Variants in ANKRD28 observed in about 807,000 individuals in gnomAD.
ANKRD28 encodes the protein ankyrin repeat domain 28.
A neutral mutation model predicts 126.5 loss-of-function variants in ANKRD28; 44 were observed. That is an observed-to-expected ratio of 0.35 (90% confidence interval 0.27 to 0.45). The LOEUF is 0.45. Among genes scored for constraint, ANKRD28 ranks in the 20% least tolerant of loss-of-function variants. The pLI is 1.00. For synonymous variants in ANKRD28, 442 were observed against 468.5 expected (o/e 0.94, Z 0.73); for missense variants, 1,110 against 1,316.6 (o/e 0.84, Z 2.43).
intron 6 of ANKRD28, among the ~76,000 whole-genome samples, chr3:15,731,001 A>G (rs1426603664): frequency 6.6e-6 from 1 of 152,186 alleles, no homozygotes; most frequent in East Asian, 1.9e-4. Context: ...CCCTCACTAG[A>G]TGCTAGTGCC....
intron 1 of ANKRD28, among the ~76,000 whole-genome samples, chr3:15,810,895 CCAGT>C (rs1402500749): frequency 1.3e-5 from 2 of 152,160 alleles, no homozygotes; most frequent in Admixed American, 6.5e-5. Flanking sequence ...ACCTGCAAAG[CCAGT>C]CATTTAACCC....
At chr3:15,742,605 T>TGGGG (rs2057144035) in intron 4 of ANKRD28, among the ~76,000 whole-genome samples, 1 of 1,548 alleles carries the variant, frequency 6.5e-4, no homozygotes, top group Non-Finnish European at 1.2e-3. Flanking sequence ...GGGAGGGAGG[T>TGGGG]GGGGGTCAGC....
chr3:15,807,324 GATTAGCTTGTAAT>G (rs1387292617), intron 1 of ANKRD28, among the ~76,000 whole-genome samples: 2 of 152,174 alleles, frequency 1.3e-5, no homozygotes, highest in African/African-American at 4.8e-5. Flanking sequence ...GGATTACCCT[GATTAGCTTGTAAT>G]ATTCGGGATT....
rs765267091 is a variant in ANKRD28, at chr3:15,678,353, T to C, written c.2563A>G (p.Thr855Ala). The change falls in exon 24 of 28, where the codon ACT becomes GCT. Residue 855 changes from threonine (T) to alanine (A), a missense_variant and splice_region_variant. Coordinates refer to ENST00000683139, the MANE Select transcript of ANKRD28 (RefSeq NM_001349278.2). ...GTGAAGGCGGCTGCATGGAGAGGAGTTCTGTGATAAAGAAAAATTGAAATA... is the reference window on the plus strand; with the variant it reads ...GTGAAGGCGGCTGCATGGAGAGGAGCTCTGTGATAAAGAAAAATTGAAATA... ...IVNATDSKGRTPLHAAAFTDH... is the reference protein window; with the variant it reads ...IVNATDSKGRAPLHAAAFTDH... The C allele has an allele frequency of 1.3e-6, 2 of 1,588,372 alleles. No homozygotes were observed. The highest frequency in any genetic ancestry group is 1.7e-6 in the Non-Finnish European group (2 of 1,171,864).
chr3:15,819,792 C>T (rs1374313466), intron 1 of ANKRD28, among the ~76,000 whole-genome samples: 1 of 152,158 alleles, frequency 6.6e-6, no homozygotes, highest in African/African-American at 2.4e-5. Flanking sequence ...TTTCTTCCAG[C>T]ACAAAGGCTG....
At chr3:15,782,230 C>G (rs1195902109) in intron 2 of ANKRD28, among the ~76,000 whole-genome samples, 2 of 152,020 alleles carry the variant, frequency 1.3e-5, no homozygotes, top group African/African-American at 4.8e-5. Flanking sequence ...TCTGTTCCAA[C>G]TAGCCAGTTA....
chr3:15,784,641 A>C (rs1400657224), intron 2 of ANKRD28, among the ~76,000 whole-genome samples: 1 of 152,036 alleles, frequency 6.6e-6, no homozygotes, highest in East Asian at 1.9e-4. Context: ...AAAAATGATA[A>C]ACAGTAATCC....
chr3:15,795,790 A>G (rs2060250297), intron 1 of ANKRD28, among the ~76,000 whole-genome samples: 1 of 152,168 alleles, frequency 6.6e-6, no homozygotes, highest in Non-Finnish European at 1.5e-5. Context: ...CTGGCAGTTG[A>G]TGAAAATAGC....
intron 1 of ANKRD28, among the ~76,000 whole-genome samples, chr3:15,849,596 T>C (rs1200285877): frequency 6.6e-6 from 1 of 152,286 alleles, no homozygotes; most frequent in East Asian, 1.9e-4. Context: ...AAAATAACCC[T>C]TACTTCCAGA....
chr3:15,823,831 T>A (rs912193319), intron 1 of ANKRD28, among the ~76,000 whole-genome samples: 3 of 152,196 alleles, frequency 2.0e-5, no homozygotes, highest in African/African-American at 7.2e-5. Flanking sequence ...TCTCAACTGA[T>A]GCAAAGAAAA....
intron 18 of ANKRD28, among the ~76,000 whole-genome samples, chr3:15,686,845 C>T (rs551610845): frequency 6.6e-6 from 1 of 152,270 alleles, no homozygotes; most frequent in East Asian, 1.9e-4. Context: ...GCAATAATCC[C>T]ACAACATGAA....
intron 2 of ANKRD28, among the ~76,000 whole-genome samples, chr3:15,784,946 T>C (rs1274612648): frequency 6.6e-6 from 1 of 152,082 alleles, no homozygotes; most frequent in Non-Finnish European, 1.5e-5. Flanking sequence ...CCTTGCTACT[T>C]TCAAGGAAAG....
intron 1 of ANKRD28, among the ~76,000 whole-genome samples, chr3:15,840,919 T>C (rs2061414224): frequency 6.6e-6 from 1 of 152,166 alleles, no homozygotes; most frequent in Non-Finnish European, 1.5e-5. Context: ...GGTGGGCGGA[T>C]CACTTGAGGT....
intron 2 of ANKRD28, among the ~76,000 whole-genome samples, chr3:15,772,851 T>C (rs1298602175): frequency 2.0e-5 from 3 of 152,236 alleles, no homozygotes; most frequent in African/African-American, 7.2e-5. Flanking sequence ...CACGCCCAGC[T>C]AGCTCATAAT....
intron 3 of ANKRD28, among the ~76,000 whole-genome samples, chr3:15,760,672 CAAGA>C (rs1451516610): frequency 6.6e-6 from 1 of 152,076 alleles, no homozygotes; most frequent in Non-Finnish European, 1.5e-5. Flanking sequence ...AGAAAAGTTA[CAAGA>C]AAGAGATAAG....
chr3:15,692,293 TAAAG>T (rs2068914930), intron 17 of ANKRD28, among the ~76,000 whole-genome samples: 1 of 151,160 alleles, frequency 6.6e-6, no homozygotes, highest in South Asian at 2.1e-4. Flanking sequence ...TACAAAAAAA[TAAAG>T]AATTAGTCGG....
chr3:15,773,212 T>C (rs933888480), intron 2 of ANKRD28, among the ~76,000 whole-genome samples: 9 of 152,056 alleles, frequency 5.9e-5, no homozygotes, highest in African/African-American at 2.2e-4. Context: ...CAACTATATT[T>C]CTTACTAGCA....
At chr3:15,761,757 C>G (rs17041490) in intron 3 of ANKRD28, among the ~76,000 whole-genome samples, 8,375 of 152,174 alleles carry the variant, frequency 0.055, 665 homozygotes, top group African/African-American at 0.18. Flanking sequence ...TGTAGTATAT[C>G]TTCTGTAAAA....
intron 3 of ANKRD28, among the ~76,000 whole-genome samples, chr3:15,763,761 G>C (rs967388000): frequency 1.3e-5 from 2 of 152,152 alleles, no homozygotes; most frequent in Admixed American, 6.5e-5. Context: ...AGGAATTCAA[G>C]TCAGAAGAAA....
Sources: allele counts gnomAD v4.1 joint callset (sites outside exome capture counted in the v4.1 genomes callset), GRCh38; gene constraint gnomAD v4.1.1; transcripts MANE v1.5; gene names NCBI Gene and HGNC (gene_info 2026-07-23, HGNC 2026-07-21).